The following FER variants were observed in gnomAD, a reference collection of about 807,000 sequenced individuals.
The protein encoded by FER is FER tyrosine kinase, also known as tyrosine-protein kinase Fer.
FER carries 63 observed loss-of-function variants against 111.0 expected under a neutral mutation model. That is an observed-to-expected ratio of 0.57 (90% CI 0.46 to 0.70). FER has a LOEUF of 0.70. Ranked by LOEUF, FER falls within the 30% of genes least tolerant of loss-of-function variation. The pLI, the probability that FER is intolerant of heterozygous loss-of-function variation, is 0.00. For synonymous variants in FER, 327 were observed against 313.9 expected, an observed-to-expected ratio of 1.04 and a Z score of -0.44; for missense variants, 914 against 954.0, an observed-to-expected ratio of 0.96 and a Z score of 0.55.
chr5:108,872,166 A>G lies in FER; in HGVS notation c.877A>G (p.Asn293Asp). ...GGAAGAAAATGAAAATCTTCAGGCAAATGAGATCATGTGGAATAACTTAAC... is the reference window on the plus strand; with the variant it reads ...GGAAGAAAATGAAAATCTTCAGGCAGATGAGATCATGTGGAATAACTTAAC... ...LLEENENLQA[N>D]EIMWNNLTAE... Residue 293 changes from asparagine (N) to aspartate (D), a missense_variant, in exon 8 of 20, where the codon AAT becomes GAT. Transcript: ENST00000281092. 1 of 1,611,906 alleles carries G rather than the reference A, an allele frequency of 6.2e-7. No individual in the cohort carries two copies. Among genetic ancestry groups the G allele is most frequent in the Non-Finnish European group, 8.5e-7 (1 of 1,178,882 alleles).
At chr5:108,916,149 A>T (rs1017810176) in intron 10 of FER, among the ~76,000 whole-genome samples, 8 of 152,230 alleles carry the variant, frequency 5.3e-5, no homozygotes, top group African/African-American at 1.9e-4. Flanking sequence ...TTGGAATTTA[A>T]AATAAAAATA....
chr5:109,015,030 T>C (rs928962892), intron 13 of FER: 2 of 152,088 alleles, frequency 1.3e-5, no homozygotes, highest in Non-Finnish European at 2.9e-5. Flanking sequence ...AATTTGAAAG[T>C]ATGGAATTGG....
chr5:108,761,433 G>A (rs1751737386), intron 1 of FER, among the ~76,000 whole-genome samples: 1 of 152,146 alleles, frequency 6.6e-6, no homozygotes, highest in South Asian at 2.1e-4. Flanking sequence ...CAGTAGAGCA[G>A]TCAAAACACA....
chr5:109,150,944 G>C (rs1486782138), intron 17 of FER, among the ~76,000 whole-genome samples: 1 of 152,004 alleles, frequency 6.6e-6, no homozygotes, highest in Non-Finnish European at 1.5e-5. Context: ...TAATCAAAGT[G>C]GTATTTAATA....
chr5:109,185,361 T>C (rs1215330950), intron 18 of FER, among the ~76,000 whole-genome samples: 1 of 152,192 alleles, frequency 6.6e-6, no homozygotes, highest in Admixed American at 6.5e-5. Flanking sequence ...TAAATGAAAC[T>C]ATCAGAGAAA....
intron 3 of FER, among the ~76,000 whole-genome samples, chr5:108,808,477 C>T (rs551317654): frequency 6.9e-6 from 1 of 144,566 alleles, no homozygotes; most frequent in South Asian, 2.2e-4. Context: ...TACTCTGTGC[C>T]TGTGGGTGTC....
intron 14 of FER, among the ~76,000 whole-genome samples, chr5:109,043,401 A>G (rs1161913309): frequency 6.6e-6 from 1 of 152,216 alleles, no homozygotes; most frequent in African/African-American, 2.4e-5. Flanking sequence ...CTGTTTAAGT[A>G]TATTTTTTAT....
At chr5:109,026,611 A>T (rs6872450) in intron 13 of FER, among the ~76,000 whole-genome samples, 1 of 152,170 alleles carries the variant, frequency 6.6e-6, no homozygotes, top group Admixed American at 6.6e-5. Flanking sequence ...AGAAAAATAG[A>T]GATAGCAAAT....
At position 109,052,128 on chromosome 5, in the gene FER, C is replaced by T; in HGVS notation, c.1924+4930C>T. The T allele has an allele frequency of 2.5e-6, 4 of 1,604,852 alleles. No individual in the cohort carries two copies. The South Asian group carries it at 4.4e-5, about 18-fold the overall frequency. On this transcript the variant is annotated intron_variant, in intron 16 of 19. Transcript: ENST00000281092. ...CAGTTTGGGCAACCTTGAGTTCCTC[C>T]TCTTTCTTGTTCAGTTTCTCTTCCT... is the stretch of plus-strand genomic sequence containing the variant.
chr5:108,753,012 C>G (rs888829868), intron 1 of FER, among the ~76,000 whole-genome samples: 4 of 151,990 alleles, frequency 2.6e-5, no homozygotes, highest in Admixed American at 6.6e-5. Context: ...GGATCTTGGA[C>G]AAGTTATTTT....
At chr5:108,782,642 T>C (rs1754220537) in intron 2 of FER, 1 of 152,148 alleles carries the variant, frequency 6.6e-6, no homozygotes, top group South Asian at 2.1e-4. Flanking sequence ...AATTTTTGTT[T>C]TCTTTTTATT....
intron 1 of FER, among the ~76,000 whole-genome samples, chr5:108,749,385 C>CT (rs1361978080): frequency 2.0e-5 from 3 of 151,008 alleles, no homozygotes; most frequent in Non-Finnish European, 4.4e-5. Flanking sequence ...GTCGCGGGGT[C>CT]TGGGGGCTGA....
At chr5:109,175,957 C>T (rs771869260) in intron 17 of FER, among the ~76,000 whole-genome samples, 50 of 152,124 alleles carry the variant, frequency 3.3e-4, no homozygotes, top group South Asian at 6.2e-4. Context: ...CCAGCCCAGG[C>T]GACAGAGCAA....
intron 10 of FER, among the ~76,000 whole-genome samples, chr5:108,921,116 G>A (rs1752966678): frequency 1.3e-5 from 2 of 152,126 alleles, no homozygotes. Context: ...TACTTCAGCT[G>A]TAATAGGCCC....
intron 14 of FER, 124 bp downstream of exon 14, chr5:109,037,602 C>T: frequency 6.1e-6 from 4 of 656,880 alleles, no homozygotes; most frequent in Non-Finnish European, 1.1e-5. Context: ...TTAACTAGAA[C>T]ACAATGCTAT....
intron 9 of FER, among the ~76,000 whole-genome samples, chr5:108,887,178 A>C (rs1005396785): frequency 1.3e-5 from 2 of 151,690 alleles, no homozygotes; most frequent in Non-Finnish European, 3.0e-5. Context: ...TATGTTAGAT[A>C]TTTGCATTCT....
chr5:108,883,727 A>G (rs1765903497), intron 9 of FER, among the ~76,000 whole-genome samples: 1 of 151,956 alleles, frequency 6.6e-6, no homozygotes, highest in South Asian at 2.1e-4. Flanking sequence ...ATGATTATGT[A>G]TTTTTGTAAA....
intron 13 of FER, among the ~76,000 whole-genome samples, chr5:108,981,502 TG>T: frequency 6.6e-6 from 1 of 152,004 alleles, no homozygotes; most frequent in East Asian, 1.9e-4. Context: ...CAGTTCTGAG[TG>T]GGTAAACAAT....
chr5:109,011,153 T>C (rs1331202863), intron 13 of FER, among the ~76,000 whole-genome samples: 2 of 152,182 alleles, frequency 1.3e-5, no homozygotes, highest in Non-Finnish European at 2.9e-5. Context: ...TTTTATCTGT[T>C]TTTTTCAAAT....
Sources: allele counts gnomAD v4.1 joint callset (sites outside exome capture counted in the v4.1 genomes callset), GRCh38; gene constraint gnomAD v4.1.1; transcripts MANE v1.5; gene names NCBI Gene and HGNC (gene_info 2026-07-23, HGNC 2026-07-21).